The following KDM1A variants were observed in gnomAD, a reference collection of about 807,000 sequenced individuals.
KDM1A encodes lysine-specific histone demethylase 1A.
A neutral mutation model predicts 109.4 loss-of-function variants in KDM1A; 49 were observed. The observed-to-expected ratio is 0.45, with a 90% CI of 0.36 to 0.57. The LOEUF is 0.57. Ranked by LOEUF, KDM1A falls within the 20% of genes least tolerant of loss-of-function variation. The pLI is 0.00. For synonymous variants in KDM1A, 380 were observed against 415.4 expected (o/e 0.91, Z 1.04); for missense variants, 668 against 1,116.6 (o/e 0.60, Z 5.73).
At chr1:23,077,953 A>C (rs1272678381) in intron 16 of KDM1A, among the ~76,000 whole-genome samples, 1 of 152,222 alleles carries the variant, frequency 6.6e-6, no homozygotes, top group East Asian at 1.9e-4. Flanking sequence ...GGATAGGCTC[A>C]ATGCTCATTA....
intron 9 of KDM1A, among the ~76,000 whole-genome samples, chr1:23,062,222 C>T (rs1052897233): frequency 1.3e-5 from 2 of 152,166 alleles, no homozygotes; most frequent in African/African-American, 2.4e-5. Context: ...GCTGACATTT[C>T]AGGGAAGATG....
intron 2 of KDM1A, among the ~76,000 whole-genome samples, chr1:23,038,967 C>T (rs781731449): frequency 2.6e-5 from 4 of 152,162 alleles, no homozygotes; most frequent in African/African-American, 4.8e-5. Flanking sequence ...CTTGGTCTCT[C>T]CCAAAGTGCT....
intron 15 of KDM1A, among the ~76,000 whole-genome samples, chr1:23,076,816 G>A (rs756259600): frequency 6.6e-6 from 1 of 152,052 alleles, no homozygotes; most frequent in Non-Finnish European, 1.5e-5. Flanking sequence ...ACAAAAACTA[G>A]CGGGGTGTGG....
intron 5 of KDM1A, 148 bp downstream of exon 5, chr1:23,053,987 A>G (rs1186869736): frequency 1.6e-6 from 1 of 610,068 alleles, no homozygotes; most frequent in African/African-American, 1.9e-5. Flanking sequence ...TAAGTCTTAT[A>G]GAAAACCTGT....
At chr1:23,037,957 T>G (rs1164843428) in intron 2 of KDM1A, among the ~76,000 whole-genome samples, 5 of 152,212 alleles carry the variant, frequency 3.3e-5, no homozygotes, top group Non-Finnish European at 7.3e-5. Flanking sequence ...TCTGATCATG[T>G]TGTAATAGAA....
At chr1:23,074,743 TAAGTG>T (rs1259614973) in intron 15 of KDM1A, among the ~76,000 whole-genome samples, 1 of 152,224 alleles carries the variant, frequency 6.6e-6, no homozygotes, top group East Asian at 1.9e-4. Flanking sequence ...TAAGGAAAGG[TAAGTG>T]AAGGGTTCAT....
chr1:23,079,093 G>A lies in KDM1A; in HGVS notation c.1971G>A (p.Gln657=). ...CTLPLGVLKQ[Q]PPAVQFVPPL... ...TTCCCCTGGGTGTGCTGAAGCAGCA[G>A]CCACCAGCCGTTCAGTTTGTGCCAC... The change falls in exon 17 of 21, where the codon CAG becomes CAA. Residue 657 remains glutamine (Q), a synonymous_variant. Transcript: ENST00000400181. The surrounding 1 kb of genome is among the most constrained non-coding windows in gnomAD (Gnocchi z 5.6). 2 of 1,614,146 alleles carry A rather than the reference G, an allele frequency of 1.2e-6. No individual in the cohort carries two copies. Among genetic ancestry groups the A allele is most frequent in the East Asian group, 2.2e-5 (1 of 44,878 alleles).
chr1:23,073,798 T>A (rs893744036), intron 15 of KDM1A, among the ~76,000 whole-genome samples: 1 of 152,256 alleles, frequency 6.6e-6, no homozygotes, highest in Non-Finnish European at 1.5e-5. Context: ...GTTTTTGAGA[T>A]GTGCATGAAG....
intron 2 of KDM1A, among the ~76,000 whole-genome samples, chr1:23,039,073 T>G (rs1252843875): frequency 3.3e-5 from 5 of 152,218 alleles, no homozygotes; most frequent in Non-Finnish European, 7.3e-5. Flanking sequence ...TGCTTCAAAT[T>G]ATCTGAGCCT....
Position 23,055,092 on chromosome 1 carries a change from G to A in KDM1A, c.814G>A (p.Val272Ile), listed in dbSNP as rs759638292. The A allele has an allele frequency of 3.1e-6, 5 of 1,611,068 alleles. No homozygotes were observed. In the Admixed American group the frequency reaches 8.4e-5, roughly 27 times the overall value. ...YNSDTVLVHR[V>I]HSYLERHGLI... ...AGGTGATACTGTGCTTGTCCACCGA[G>A]TTCACAGTTATTTAGAGCGTCATGG... The change falls in exon 6 of 21, where the codon GTT (valine) becomes ATT (isoleucine). Residue 272 changes from valine (V) to isoleucine (I), a missense_variant. Coordinates refer to ENST00000400181, the MANE Select transcript of KDM1A (RefSeq NM_001009999.3).
At position 23,083,532 on chromosome 1, in the gene KDM1A, C is replaced by G. The variant is rs138050534; in HGVS notation, c.*168C>G. ...AAGGAGCTTGCCTCCTTTGAATGACCTAGAGCACAGGGAGGAACTTGTCCA... is the reference window on the plus strand; with the variant it reads ...AAGGAGCTTGCCTCCTTTGAATGACGTAGAGCACAGGGAGGAACTTGTCCA... On this transcript the variant is annotated 3_prime_UTR_variant, in exon 21 of 21. Transcript: ENST00000400181. 586 of 575,004 alleles carry G rather than the reference C, an allele frequency of 1.0e-3. 4 individuals are homozygous for G. The highest frequency in any genetic ancestry group is 9.3e-3 in the African/African-American group (504 of 53,942). 35.6% of individuals were successfully genotyped at this position (575,004 alleles called of 1,614,324 possible).
intron 1 of KDM1A, among the ~76,000 whole-genome samples, chr1:23,021,606 A>G (rs1051249790): frequency 6.6e-6 from 1 of 152,246 alleles, no homozygotes; most frequent in Non-Finnish European, 1.5e-5. Flanking sequence ...CAGAGGTTGC[A>G]GTGAGCCCAG....
At chr1:23,054,121 T>C (rs1642753986) in intron 5 of KDM1A, among the ~76,000 whole-genome samples, 1 of 152,218 alleles carries the variant, frequency 6.6e-6, no homozygotes, top group Non-Finnish European at 1.5e-5. Flanking sequence ...CGGCGCTTCA[T>C]GGCTCACTAT....
intron 8 of KDM1A, among the ~76,000 whole-genome samples, chr1:23,058,304 C>T (rs983932144): frequency 1.3e-5 from 2 of 152,126 alleles, no homozygotes; most frequent in African/African-American, 4.8e-5. Flanking sequence ...GTCTCAAACT[C>T]CTGACCTCAG....
intron 2 of KDM1A, among the ~76,000 whole-genome samples, chr1:23,040,453 A>G (rs552157733): frequency 6.6e-6 from 1 of 152,300 alleles, no homozygotes; most frequent in South Asian, 2.1e-4. Context: ...AATCAAAAAG[A>G]TCTTCATTTT....
intron 7 of KDM1A, among the ~76,000 whole-genome samples, chr1:23,056,741 A>T (rs1039529686): frequency 3.3e-5 from 5 of 151,276 alleles, no homozygotes; most frequent in Non-Finnish European, 5.9e-5. Flanking sequence ...AAGGAATAAT[A>T]GGACCATTTT....
chr1:23,037,268 C>A (rs1436860766), intron 2 of KDM1A, among the ~76,000 whole-genome samples: 1 of 147,572 alleles, frequency 6.8e-6, no homozygotes, highest in Non-Finnish European at 1.5e-5. Context: ...CGTACCACTG[C>A]ACTCCAGCCT....
chr1:23,044,868 A>G (rs1642456735), intron 3 of KDM1A, among the ~76,000 whole-genome samples: 1 of 152,134 alleles, frequency 6.6e-6, no homozygotes, highest in African/African-American at 2.4e-5. Flanking sequence ...AAAAGCAAAA[A>G]CAAACGGGAC....
chr1:23,079,634 G>A lies in KDM1A; in HGVS notation c.2137G>A (p.Gly713Ser). ...TGTTGGCAGTACGACTGCCAGCAGG[G>A]GTGAGCTCTTCCTCTTCTGGAACCT... Reference protein sequence around the residue: ...GHVGSTTASRGELFLFWNLYK... With the variant: ...GHVGSTTASRSELFLFWNLYK... The change falls in exon 18 of 21, where the codon GGT becomes AGT. Residue 713 changes from glycine (G) to serine (S), a missense_variant. Physicochemically the swap from Gly to Ser is moderately conservative, Grantham distance 56. This residue lies in a region of KDM1A where 162 missense variants were observed against 376.4 expected (regional missense o/e 0.43). Coordinates refer to ENST00000400181, the MANE Select transcript of KDM1A (RefSeq NM_001009999.3). This position sits in a 1 kb window ranked among gnomAD's most constrained non-coding sequence, Gnocchi z 5.6. 2 of 1,613,352 alleles carry A rather than the reference G, an allele frequency of 1.2e-6. No individual in the cohort carries two copies. Among genetic ancestry groups the A allele is most frequent in the Non-Finnish European group, 1.7e-6 (2 of 1,179,602 alleles).
Sources: gnomAD v4.1 joint callset for allele counts (sites outside exome capture counted in the v4.1 genomes callset) on GRCh38, gnomAD v4.1.1 for gene constraint, gnomAD v4.1.1 regional missense constraint, Gnocchi (gnomAD v3.1) non-coding constraint, MANE v1.5 for transcripts, NCBI Gene and HGNC (gene_info 2026-07-23, HGNC 2026-07-21) for gene names.